Variants in ZNF329 observed in about 807,000 individuals in gnomAD.
ZNF329 encodes the protein zinc finger protein 329.
ZNF329 carries 15 observed loss-of-function variants against 26.6 expected under a neutral mutation model. The ratio of observed to expected loss-of-function variants is 0.56; its 90% CI spans 0.38 to 0.87. The LOEUF is 0.87. Among genes scored for constraint, ZNF329 ranks in the 40% least tolerant of loss-of-function variants. The probability of loss-of-function intolerance (pLI) is 0.00; values close to 1 mark genes in which losing one functional copy is unlikely to be tolerated. For missense variants in ZNF329, 651 were observed against 651.9 expected, an observed-to-expected ratio of 1.00 and a Z score of 0.02; for synonymous variants, 239 against 233.5, an observed-to-expected ratio of 1.02 and a Z score of -0.21.
intron 3 of ZNF329, among the ~76,000 whole-genome samples, chr19:58,137,809 C>CAAAAAAAAAAAAAAAAAA (rs72295173): frequency 2.6e-5 from 2 of 76,260 alleles, no homozygotes; most frequent in Admixed American, 1.7e-4. Context: ...ACAAAAAATA[C>CAAAAAAAAAAAAAAAAAA]AAAAAAAAAA....
At position 58,148,717 on chromosome 19, in the gene ZNF329, C is replaced by T. The variant is rs559563177; in HGVS notation, c.-208+2035G>A. ...AAAATACAAAATTAAAAAATAAGAACGTTACTTTTCTTATGAGATCCTGGC... is the reference window on the plus strand; with the variant it reads ...AAAATACAAAATTAAAAAATAAGAATGTTACTTTTCTTATGAGATCCTGGC... On this transcript the variant is annotated intron_variant, in intron 1 of 3. Transcript: ENST00000598312. Among the ~76,000 whole-genome samples, 3 of 152,152 alleles carry T rather than the reference C, an allele frequency of 2.0e-5. 1 individual carries two copies. In the South Asian group the frequency reaches 6.2e-4, roughly 32 times the overall value.
intron 3 of ZNF329, among the ~76,000 whole-genome samples, chr19:58,138,218 A>T (rs2075114379): frequency 6.6e-6 from 1 of 152,174 alleles, no homozygotes; most frequent in Admixed American, 6.6e-5. Context: ...AATATGAAAA[A>T]AATCTCACCA....
At chr19:58,147,111 T>C (rs1490002463) in intron 1 of ZNF329, among the ~76,000 whole-genome samples, 20 of 143,450 alleles carry the variant, frequency 1.4e-4, no homozygotes, top group African/African-American at 4.9e-4. Context: ...GTGAGGAGCG[T>C]CTCTGCCCGG....
At chr19:58,147,249 G>C (rs2146128382) in intron 1 of ZNF329, among the ~76,000 whole-genome samples, 1 of 150,332 alleles carries the variant, frequency 6.7e-6, no homozygotes, top group East Asian at 2.0e-4. Context: ...CGCCCCGTCT[G>C]AGAAGTGAGG....
intron 3 of ZNF329, among the ~76,000 whole-genome samples, chr19:58,131,115 G>GTA (rs765229456): frequency 6.9e-6 from 1 of 144,662 alleles, no homozygotes; most frequent in African/African-American, 2.5e-5. Context: ...ATGTATATGT[G>GTA]TATATGTGTG....
chr19:58,134,415 T>TCA (rs2075019516), intron 3 of ZNF329, among the ~76,000 whole-genome samples: 1 of 152,130 alleles, frequency 6.6e-6, no homozygotes, highest in Non-Finnish European at 1.5e-5. Context: ...GTATCAACAA[T>TCA]TACAATAAAT....
chr19:58,146,507 G>A (rs1031560325), intron 1 of ZNF329, among the ~76,000 whole-genome samples: 1 of 84,650 alleles, frequency 1.2e-5, no homozygotes, highest in African/African-American at 4.6e-5. Flanking sequence ...CTGGTCAAGA[G>A]AGGAAGGTAG....
chr19:58,126,364 A>G lies in ZNF329; in HGVS notation c.*1514T>C, dbSNP rs1407274559. On this transcript the variant is annotated 3_prime_UTR_variant, in exon 4 of 4. Transcript: ENST00000598312. ...AAAGAAAACCACATTTTATTTCTCC[A>G]TCATCCACTTTCAACATACATCCAT... 6.6e-6 allele frequency: 1 copy of G among 152,258 alleles called. No individual in the cohort carries two copies. Among genetic ancestry groups the G allele is most frequent in the Non-Finnish European group, 1.5e-5 (1 of 68,046 alleles). The allele number at this position is 152,258 out of a possible 1,614,324, so 9.4% of individuals were successfully genotyped here. A position where few individuals can be genotyped will look rare whatever the true frequency, so the allele number is the denominator to read the frequency against.
intron 3 of ZNF329, among the ~76,000 whole-genome samples, chr19:58,131,111 A>ATGTGTGTGTGTGTGTG (rs1555806890): frequency 7.7e-4 from 113 of 147,622 alleles, no homozygotes; most frequent in African/African-American, 2.5e-3. Context: ...ATACATGTAT[A>ATGTGTGTGTGTGTGTG]TGTGTATATG....
chr19:58,153,353 A>G (rs534956225), upstream of ZNF329, among the ~76,000 whole-genome samples: 9 of 152,168 alleles, frequency 5.9e-5, no homozygotes, highest in African/African-American at 2.2e-4. Context: ...CAGGTGATCC[A>G]CCCACCTCAG....
chr19:58,140,409 T>G (rs555254834), intron 3 of ZNF329, among the ~76,000 whole-genome samples: 1 of 113,114 alleles, frequency 8.8e-6, no homozygotes, highest in South Asian at 3.2e-4. Context: ...ACTATAAAAC[T>G]CTTTCTTTTT....
chr19:58,142,867 C>A (rs1465697791), intron 2 of ZNF329, among the ~76,000 whole-genome samples: 1 of 152,196 alleles, frequency 6.6e-6, no homozygotes, highest in Non-Finnish European at 1.5e-5. Flanking sequence ...GGCAAGCCAA[C>A]AAGAAAGTCT....
intron 1 of ZNF329, among the ~76,000 whole-genome samples, chr19:58,144,382 A>ATCTATCTATCTATC (rs148271661): frequency 0.026 from 3,243 of 123,930 alleles, 54 homozygotes; most frequent in African/African-American, 0.039. Flanking sequence ...CTATCTATCT[A>ATCTATCTATCTATC]TATATATATA....
At chr19:58,146,578 C>T (rs2075314709) in intron 1 of ZNF329, among the ~76,000 whole-genome samples, 1 of 141,930 alleles carries the variant, frequency 7.0e-6, no homozygotes, top group Non-Finnish European at 1.5e-5. Context: ...CCCTCTCTTT[C>T]CACGGTCTCC....
chr19:58,140,919 G>A (rs1305454698), intron 3 of ZNF329, among the ~76,000 whole-genome samples: 1 of 148,564 alleles, frequency 6.7e-6, no homozygotes, highest in Non-Finnish European at 1.5e-5. Context: ...GTCTCAGGCT[G>A]GAGTACAGTG....
intron 3 of ZNF329, among the ~76,000 whole-genome samples, chr19:58,131,215 A>G (rs935348599): frequency 3.9e-5 from 6 of 152,074 alleles, no homozygotes; most frequent in Non-Finnish European, 7.3e-5. Flanking sequence ...GTATGCCTTC[A>G]TAAGTGTGGC....
Position 58,128,634 on chromosome 19 carries a change from T to G in ZNF329, c.870A>C (p.Leu290=). The G allele has an allele frequency of 6.2e-7, 1 of 1,606,830 alleles. No individual in the cohort carries two copies. The highest frequency in any genetic ancestry group is 8.5e-7 in the Non-Finnish European group (1 of 1,176,334). ...IHTGEKPYEC[L]ECGKTFNRNS... ...TTCGGTTGAAGGTTTTTCCACACTC[T>G]AGGCATTCATAAGGTTTCTCGCCTG... Residue 290 remains leucine, a synonymous_variant, in exon 4 of 4, where the codon CTA becomes CTC. Transcript: ENST00000598312.
intron 3 of ZNF329, among the ~76,000 whole-genome samples, chr19:58,129,940 C>T (rs1388251685): frequency 1.3e-5 from 2 of 152,224 alleles, no homozygotes; most frequent in Non-Finnish European, 2.9e-5. Context: ...GTTCTCACCC[C>T]AGCTCTGTCA....
chr19:58,137,299 A>G (rs1392933050), intron 3 of ZNF329, among the ~76,000 whole-genome samples: 1 of 152,136 alleles, frequency 6.6e-6, no homozygotes, highest in Non-Finnish European at 1.5e-5. Context: ...CACACCTATA[A>G]TCCCAGCACT....
Sources: gnomAD v4.1 joint callset for allele counts (sites outside exome capture counted in the v4.1 genomes callset) on GRCh38, gnomAD v4.1.1 for gene constraint, MANE v1.5 for transcripts, NCBI Gene and HGNC (gene_info 2026-07-23, HGNC 2026-07-21) for gene names.